Variants in ZFYVE27 observed in about 807,000 individuals in gnomAD.
ZFYVE27 encodes the protein zinc finger FYVE-type containing 27.
In ZFYVE27, 36 loss-of-function variants were observed where a neutral mutation model predicts 52.8. That is an observed-to-expected ratio of 0.68 (90% confidence interval 0.52 to 0.90). ZFYVE27 has a LOEUF of 0.90. Ranked by LOEUF, ZFYVE27 falls within the 40% of genes least tolerant of loss-of-function variation. The pLI is 0.00. For synonymous variants in ZFYVE27, 223 were observed against 215.6 expected (o/e 1.03, Z -0.30); for missense variants, 450 against 527.2 (o/e 0.85, Z 1.43).
chr10:97,748,627 T>G (rs2046099047), intron 5 of ZFYVE27, among the ~76,000 whole-genome samples: 1 of 152,250 alleles, frequency 6.6e-6, no homozygotes, highest in Non-Finnish European at 1.5e-5. Context: ...ATCTCTTGTT[T>G]GTTTTGCCTG....
chr10:97,741,757 TATA>T (rs1187686441), intron 2 of ZFYVE27, among the ~76,000 whole-genome samples: 2 of 152,056 alleles, frequency 1.3e-5, no homozygotes, highest in African/African-American at 4.8e-5. Context: ...GAACTTTAAG[TATA>T]ATAATAAAAA....
chr10:97,745,143 G>A (rs937446762), intron 4 of ZFYVE27, among the ~76,000 whole-genome samples: 5 of 145,014 alleles, frequency 3.4e-5, no homozygotes, highest in Non-Finnish European at 5.9e-5. Context: ...TGAGAATCTC[G>A]ATCTAGCTGT....
rs2047327477 is a variant in ZFYVE27 at position 97,752,799 on chromosome 10, C to T, written c.877-58C>T. Reference sequence around the variant, plus strand: ...GGGGGCCCCTCCAGGTAGCTTCTTTCTTCTTGCTATCTTTTTCTTTCTGTT... The same window carrying T: ...GGGGGCCCCTCCAGGTAGCTTCTTTTTTCTTGCTATCTTTTTCTTTCTGTT... On this transcript the variant is annotated intron_variant, in intron 8 of 12. Transcript: ENST00000684270. 6 of 1,599,872 alleles carry T rather than the reference C, an allele frequency of 3.8e-6. No individual in the cohort carries two copies. The South Asian group carries it at 6.8e-5, about 18-fold the overall frequency.
chr10:97,750,095 G>C (rs2046532460), intron 6 of ZFYVE27: 1 of 554,016 alleles, frequency 1.8e-6, no homozygotes, highest in Non-Finnish European at 3.2e-6. Flanking sequence ...TATTACAGAA[G>C]CCATGATTTA....
chr10:97,748,573 A>G (rs1254664422), intron 5 of ZFYVE27, among the ~76,000 whole-genome samples: 1 of 152,218 alleles, frequency 6.6e-6, no homozygotes, highest in Non-Finnish European at 1.5e-5. Context: ...TGGTAAAAAT[A>G]ATAATAGAAA....
At chr10:97,751,324 G>A in intron 7 of ZFYVE27, 67 bp from the exon 8 acceptor site, 1 of 1,563,936 alleles carries the variant, frequency 6.4e-7, no homozygotes, top group Non-Finnish European at 8.8e-7. Flanking sequence ...GCTTGGGGAG[G>A]TGGTCCTCTG....
chr10:97,757,979 C>G (rs369026528), intron 12 of ZFYVE27: 15 of 475,440 alleles, frequency 3.2e-5, no homozygotes, highest in African/African-American at 2.5e-4. Flanking sequence ...AGTTGAAAAA[C>G]AAGAGCCCTG....
Position 97,757,254 on chromosome 10 carries a change from C to G in ZFYVE27, c.1043-11C>G, listed in dbSNP as rs774263735. The G allele has an allele frequency of 6.2e-7, 1 of 1,614,134 alleles. No homozygotes were observed. ...ATGGGCGGGGGTTGAGCTGCTGCCT[C>G]TGTTTCTCAGGGAACTGCACGGGCT... On this transcript the variant is annotated splice_polypyrimidine_tract_variant and intron_variant, in intron 10 of 12. Transcript: ENST00000684270.
At chr10:97,739,222 T>G (rs1204829787) in intron 2 of ZFYVE27, among the ~76,000 whole-genome samples, 1 of 150,628 alleles carries the variant, frequency 6.6e-6, no homozygotes, top group African/African-American at 2.4e-5. Context: ...TCAGCCACCA[T>G]GCCTGGCTAA....
chr10:97,755,308 C>A (rs1052708855), intron 10 of ZFYVE27, among the ~76,000 whole-genome samples: 1 of 152,184 alleles, frequency 6.6e-6, no homozygotes, highest in African/African-American at 2.4e-5. Flanking sequence ...GAGAGCAGGG[C>A]GAGGGGAGCT....
Position 97,757,550 on chromosome 10 carries a change from G to A in ZFYVE27, c.1090-92G>A. On this transcript the variant is annotated intron_variant, in intron 11 of 12. Transcript: ENST00000684270. The stretch of plus-strand genomic sequence containing the variant: ...GGCACCCCCCAGGCCCAGTTTCCTT[G>A]GGTGGGATCAGCTGGTGGAAAGGAG... 10 of 1,441,398 alleles carry A rather than the reference G, an allele frequency of 6.9e-6. 1 individual carries two copies. The South Asian group carries it at 1.1e-4, about 17-fold the overall frequency. 89.3% of individuals were successfully genotyped at this position (1,441,398 alleles called of 1,614,324 possible).
intron 10 of ZFYVE27, among the ~76,000 whole-genome samples, chr10:97,755,235 T>C (rs1468366712): frequency 2.0e-5 from 3 of 152,256 alleles, no homozygotes; most frequent in African/African-American, 7.2e-5. Flanking sequence ...TCCCAAGCTC[T>C]TTGCCATGAG....
Position 97,749,367 on chromosome 10 carries a change from T to C in ZFYVE27, c.552-107T>C, listed in dbSNP as rs1035695355. The C allele has an allele frequency of 2.5e-4, 207 of 827,856 alleles. 3 individuals are homozygous for C. In the South Asian group the frequency reaches 2.7e-3, roughly 11 times the overall value. 51.3% of individuals were successfully genotyped at this position (827,856 alleles called of 1,614,324 possible). A position where few individuals can be genotyped will look rare whatever the true frequency, so the allele number is the denominator to read the frequency against. ...TGAGCGGCTCTTGTCAGTTTATTAA[T>C]GTGCCCAGAGCTGTGTCTCACCTGG... On this transcript the variant is annotated intron_variant, in intron 5 of 12. Coordinates refer to ENST00000684270, the MANE Select transcript of ZFYVE27 (RefSeq NM_001385875.1).
Position 97,752,991 on chromosome 10 carries a change from G to A in ZFYVE27, c.898-47G>A, listed in dbSNP as rs543969636. The A allele has an allele frequency of 6.8e-6, 11 of 1,613,018 alleles. No homozygotes were observed. In the Admixed American group the frequency reaches 1.5e-4, roughly 22 times the overall value. On this transcript the variant is annotated intron_variant, in intron 9 of 12. Transcript: ENST00000684270. ...CAGGATGCCTCTGCACACGGGTCCT[G>A]CAGCCTTGCAAGAGGTGGGCAGGAC... is the stretch of plus-strand genomic sequence containing the variant.
At chr10:97,748,136 CCT>C (rs2136141250) in intron 4 of ZFYVE27, 131 bp from the exon 5 acceptor site, 1 of 853,568 alleles carries the variant, frequency 1.2e-6, no homozygotes, top group South Asian at 1.4e-5. Flanking sequence ...TCTCTCGACT[CCT>C]CTCTCTTTAA....
intron 11 of ZFYVE27, 75 bp from the exon 12 acceptor site, chr10:97,757,567 G>A (rs1212752506): frequency 4.6e-5 from 70 of 1,510,948 alleles, no homozygotes; most frequent in Admixed American, 1.8e-4. Flanking sequence ...ATCAGCTGGT[G>A]GAAAGGAGGG....
At chr10:97,742,663 T>G (rs2044052407) in intron 2 of ZFYVE27, among the ~76,000 whole-genome samples, 1 of 152,208 alleles carries the variant, frequency 6.6e-6, no homozygotes, top group Non-Finnish European at 1.5e-5. Flanking sequence ...GTCCACAATT[T>G]GTTTTTTCTT....
intron 5 of ZFYVE27, among the ~76,000 whole-genome samples, chr10:97,749,097 CT>C (rs1006195355): frequency 4.6e-5 from 7 of 152,220 alleles, no homozygotes; most frequent in Non-Finnish European, 8.8e-5. Flanking sequence ...CAGTCCCCAT[CT>C]TACACGGGAA....
rs1402783267 is a variant in ZFYVE27, at chr10:97,744,731, G to A, written c.271G>A (p.Ala91Thr). Residue 91 changes from alanine (A) to threonine (T), a missense_variant and splice_region_variant, in exon 4 of 13, where the codon GCA becomes ACA. Physicochemically the swap from Ala to Thr is moderately conservative, Grantham distance 58. Transcript: ENST00000684270. Reference protein sequence around the residue: ...NVLFLTLNEGAWYSVGALMIS... With the variant: ...NVLFLTLNEGTWYSVGALMIS... Reference sequence around the variant, plus strand: ...CTGCAGTGTTTTTGATTCTGCAGGTGCATGGTACTCAGTAGGTGCCCTGAT... The same window carrying A: ...CTGCAGTGTTTTTGATTCTGCAGGTACATGGTACTCAGTAGGTGCCCTGAT... The A allele has an allele frequency of 6.2e-7, 1 of 1,613,544 alleles. No individual in the cohort carries two copies. Among genetic ancestry groups the A allele is most frequent in the South Asian group, 1.1e-5 (1 of 91,016 alleles).
Sources: allele counts gnomAD v4.1 joint callset (sites outside exome capture counted in the v4.1 genomes callset), GRCh38; gene constraint gnomAD v4.1.1; transcripts MANE v1.5; gene names NCBI Gene and HGNC (gene_info 2026-07-23, HGNC 2026-07-21).